SGCD: variants seen among roughly 807,000 people sequenced by gnomAD.
The protein encoded by SGCD is delta-sarcoglycan.
A neutral mutation model predicts 36.6 loss-of-function variants in SGCD; 18 were observed. That is an observed-to-expected ratio of 0.49 (90% CI 0.34 to 0.73). The LOEUF (loss-of-function observed/expected upper bound fraction) is 0.73. Among genes scored for constraint, SGCD ranks in the 30% least tolerant of loss-of-function variants. The pLI is 0.01. For missense variants in SGCD, 387 were observed against 346.7 expected (o/e 1.12, Z -0.92); for synonymous variants, 133 against 130.6 (o/e 1.02, Z -0.12).
intron 4 of SGCD, among the ~76,000 whole-genome samples, chr5:156,510,887 C>A (rs1257269611): frequency 6.6e-6 from 1 of 152,164 alleles, no homozygotes. Context: ...TTTTAGAAGA[C>A]TTGAAAACAG....
At chr5:155,949,619 T>C (rs1381803431) in intron 1 of SGCD, among the ~76,000 whole-genome samples, 4 of 152,218 alleles carry the variant, frequency 2.6e-5, no homozygotes, top group Non-Finnish European at 4.4e-5. Flanking sequence ...AAAAGTCAAA[T>C]TGAGAGCAAT....
chr5:156,387,668 T>C (rs556141704), intron 3 of SGCD, among the ~76,000 whole-genome samples: 3 of 152,134 alleles, frequency 2.0e-5, no homozygotes, highest in African/African-American at 7.2e-5. Flanking sequence ...TGGCAGAGAG[T>C]ATGGTCTCTA....
chr5:155,971,103 T>C (rs1038163004), intron 1 of SGCD, among the ~76,000 whole-genome samples: 4 of 152,176 alleles, frequency 2.6e-5, no homozygotes, highest in Admixed American at 1.3e-4. Flanking sequence ...TTTTTTTCTT[T>C]AGACTTTTTG....
At chr5:156,584,714 C>A (rs1283012032) in intron 4 of SGCD, among the ~76,000 whole-genome samples, 2 of 152,164 alleles carry the variant, frequency 1.3e-5, no homozygotes, top group African/African-American at 4.8e-5. Flanking sequence ...CCTTGCACTG[C>A]ATTAGGAAGT....
At chr5:156,655,335 G>C (rs910075382) in intron 7 of SGCD, among the ~76,000 whole-genome samples, 1 of 151,610 alleles carries the variant, frequency 6.6e-6, no homozygotes, top group African/African-American at 2.4e-5. Flanking sequence ...TTTTGTTGTT[G>C]TTTGCTTGTT....
chr5:155,736,618 C>T, the SGCD span, among the ~76,000 whole-genome samples: 191 of 152,102 alleles, frequency 1.3e-3, 1 homozygote, highest in African/African-American at 4.3e-3. Flanking sequence ...ATAACTAGAC[C>T]TAATATCTCA....
chr5:156,088,189 A>C (rs1761149915), intron 1 of SGCD, among the ~76,000 whole-genome samples: 1 of 151,874 alleles, frequency 6.6e-6, no homozygotes, highest in Non-Finnish European at 1.5e-5. Context: ...AAGCTTTCCT[A>C]GATTTGAAGA....
intron 3 of SGCD, among the ~76,000 whole-genome samples, chr5:156,186,388 G>A (rs1292909968): frequency 2.6e-5 from 4 of 152,038 alleles, no homozygotes; most frequent in South Asian, 2.1e-4. Flanking sequence ...TGAAGATACC[G>A]CCAAATCATC....
intron 3 of SGCD, among the ~76,000 whole-genome samples, chr5:156,421,027 T>C (rs1773279722): frequency 6.6e-6 from 1 of 152,040 alleles, no homozygotes; most frequent in Non-Finnish European, 1.5e-5. Flanking sequence ...TCAACTCTTA[T>C]TTCCCTTAAA....
In SGCD at chr5:156,059,330, A is replaced by T. The variant is rs1474401213; in HGVS notation, c.-281-58548A>T. 1.4e-5 allele frequency among the ~76,000 whole-genome samples: 2 copies of T among 146,254 alleles called. 1 individual carries two copies. The highest frequency in any genetic ancestry group is 3.1e-5 in the Non-Finnish European group (2 of 64,958). On this transcript the variant is annotated intron_variant, in intron 1 of 9. Coordinates refer to the SGCD transcript ENST00000517913. ...TTTAGCTTCTTCCTCTGCTAAGGAA[A>T]CTTGTATTGTGAGAGAAGGCATTGT...
intron 1 of SGCD, among the ~76,000 whole-genome samples, chr5:156,043,852 A>G (rs1003306523): frequency 1.5e-4 from 23 of 152,182 alleles, no homozygotes; most frequent in African/African-American, 5.5e-4. Flanking sequence ...TTTGTACCAC[A>G]GTTTTGGACC....
the SGCD span, among the ~76,000 whole-genome samples, chr5:155,846,571 G>A: frequency 6.6e-6 from 1 of 152,078 alleles, no homozygotes; most frequent in East Asian, 1.9e-4. Context: ...CTGATTCCCT[G>A]TAAAACCTAA....
chr5:155,772,916 A>C, the SGCD span, among the ~76,000 whole-genome samples: 2 of 152,282 alleles, frequency 1.3e-5, no homozygotes, highest in South Asian at 4.1e-4. Context: ...TCAAGTCAAC[A>C]GTTGATTTAT....
chr5:156,464,216 ATTTT>A (rs773294916), intron 3 of SGCD, among the ~76,000 whole-genome samples: 5 of 116,298 alleles, frequency 4.3e-5, no homozygotes, highest in African/African-American at 3.3e-5. Context: ...GAATCTACAT[ATTTT>A]TTTTTTTTTT....
chr5:156,062,066 A>G lies in SGCD; in HGVS notation c.-281-55812A>G, dbSNP rs12657969. ...CATCTAGCATTAGGTATATCTCCCAATGCTATCCCTCCCCCCTCCCCCGAC... is the reference window on the plus strand; with the variant it reads ...CATCTAGCATTAGGTATATCTCCCAGTGCTATCCCTCCCCCCTCCCCCGAC... On this transcript the variant is annotated intron_variant, in intron 1 of 9. Transcript: ENST00000517913. Among the ~76,000 whole-genome samples the G allele has an allele frequency of 2.4e-3, 190 of 80,464 alleles. 3 individuals are homozygous for G. In the East Asian group the frequency reaches 0.029, roughly 12 times the overall value. The allele number at this position is 80,464 out of a possible 152,430, so 52.8% of individuals were successfully genotyped here.
rs540893001 is a variant in SGCD at position 156,712,092 on chromosome 5, T to G, written c.576-45489T>G. 7.2e-4 allele frequency among the ~76,000 whole-genome samples: 110 copies of G among 152,350 alleles called. 1 individual carries two copies. Among genetic ancestry groups the G allele is most frequent in the African/African-American group, 2.5e-3 (103 of 41,588 alleles). On this transcript the variant is annotated intron_variant, in intron 7 of 8. Coordinates refer to ENST00000337851, the MANE Select transcript of SGCD (RefSeq NM_000337.6). ...CATCTTGGTTTTGGTGGGTTTTGGC[T>G]GGCTTCTTTACTGCAACCTGTTTTA...
At chr5:156,318,302 G>A (rs1210918070) in intron 3 of SGCD, among the ~76,000 whole-genome samples, 1 of 152,182 alleles carries the variant, frequency 6.6e-6, no homozygotes, top group Non-Finnish European at 1.5e-5. Context: ...CTCAGAAAAA[G>A]GAGAGTTAGA....
intron 4 of SGCD, among the ~76,000 whole-genome samples, chr5:156,562,837 A>G (rs1417765837): frequency 1.3e-5 from 2 of 150,994 alleles, no homozygotes; most frequent in Admixed American, 6.6e-5. Context: ...ATATTCTTAT[A>G]CATATTTTAT....
intron 3 of SGCD, among the ~76,000 whole-genome samples, chr5:156,232,954 C>T (rs1765057795): frequency 6.6e-6 from 1 of 152,176 alleles, no homozygotes; most frequent in Admixed American, 6.5e-5. Flanking sequence ...TGCCTTTTAA[C>T]TCATCTCTAG....
Sources: allele counts gnomAD v4.1 joint callset (sites outside exome capture counted in the v4.1 genomes callset), GRCh38; gene constraint gnomAD v4.1.1; transcripts MANE v1.5; gene names NCBI Gene and HGNC (gene_info 2026-07-23, HGNC 2026-07-21).